SRC: variants seen among roughly 807,000 people sequenced by gnomAD.
SRC encodes proto-oncogene tyrosine-protein kinase Src.
A neutral mutation model predicts 62.9 loss-of-function variants in SRC; 13 were observed. That is an observed-to-expected ratio of 0.21 (90% confidence interval 0.13 to 0.33). SRC has a LOEUF of 0.33. Among genes scored for constraint, SRC ranks in the 10% least tolerant of loss-of-function variants. The pLI, the probability that SRC is intolerant of heterozygous loss-of-function variation, is 1.00. For missense variants in SRC, 457 were observed against 737.3 expected (o/e 0.62, Z 4.40); for synonymous variants, 302 against 317.5 (o/e 0.95, Z 0.52).
At chr20:37,371,702 A>G (rs913269275) in intron 2 of SRC, among the ~76,000 whole-genome samples, 13 of 151,392 alleles carry the variant, frequency 8.6e-5, no homozygotes, top group African/African-American at 3.2e-4. Flanking sequence ...TTTTATTTTT[A>G]TTTATTTACT....
intron 2 of SRC, among the ~76,000 whole-genome samples, chr20:37,373,333 CAT>C (rs768538402): frequency 3.3e-5 from 5 of 150,962 alleles, no homozygotes; most frequent in African/African-American, 7.3e-5. Context: ...CACATACACA[CAT>C]GTACACACAC....
In SRC at chr20:37,402,694, G is replaced by A. The variant is rs2145792; in HGVS notation, c.1271-55G>A. The A allele has an allele frequency of 6.3e-7, 1 of 1,578,382 alleles. No individual in the cohort carries two copies. The highest frequency in any genetic ancestry group is 1.2e-5 in the South Asian group (1 of 85,334). Reference sequence around the variant, plus strand: ...TGTCATTCCTCATGGTGCTTATCTAGCAGAGCGGTCATGACAGGAGGTCAG... The same window carrying A: ...TGTCATTCCTCATGGTGCTTATCTAACAGAGCGGTCATGACAGGAGGTCAG... On this transcript the variant is annotated intron_variant, in intron 12 of 13. Coordinates refer to ENST00000373578, the MANE Select transcript of SRC (RefSeq NM_198291.3). This position sits in a 1 kb window ranked among gnomAD's most constrained non-coding sequence, Gnocchi z 6.2.
At chr20:37,401,573 G>A (rs1318445913) in intron 10 of SRC, 29 bp from the exon 11 acceptor site, 3 of 1,579,746 alleles carry the variant, frequency 1.9e-6, no homozygotes, top group Admixed American at 1.7e-5. Flanking sequence ...GACAGGGCAG[G>A]AGCTGGAGCT....
At chr20:37,345,304 T>G (rs2069701869), upstream of SRC, among the ~76,000 whole-genome samples, 1 of 149,850 alleles carries the variant, frequency 6.7e-6, no homozygotes, top group African/African-American at 2.5e-5. Context: ...AAGAGGGGAG[T>G]CTTTGTGGCC....
At position 37,384,936 on chromosome 20, in the gene SRC, C is replaced by G. The variant is rs1007829526; in HGVS notation, c.250+533C>G. On this transcript the variant is annotated intron_variant, in intron 4 of 13. Coordinates refer to ENST00000373578, the MANE Select transcript of SRC (RefSeq NM_198291.3). The surrounding 1 kb of genome is among the most constrained non-coding windows in gnomAD (Gnocchi z 6.7). ...CCGCGGCGGTGCCCCAGACACTCCACGCAGACTTCACTCCTTCACTCAGAC... is the reference window on the plus strand; with the variant it reads ...CCGCGGCGGTGCCCCAGACACTCCAGGCAGACTTCACTCCTTCACTCAGAC... Among the ~76,000 whole-genome samples the G allele has an allele frequency of 1.3e-5, 2 of 152,182 alleles. No individual in the cohort carries two copies. The highest frequency in any genetic ancestry group is 2.9e-5 in the Non-Finnish European group (2 of 68,012).
chr20:37,401,796 C>A (rs1224653539), intron 11 of SRC, 118 bp downstream of exon 11: 3 of 651,698 alleles, frequency 4.6e-6, no homozygotes, highest in Non-Finnish European at 7.6e-6. Context: ...TGATTGCCTC[C>A]ACACTCACTG....
chr20:37,363,945 C>T (rs1158155403), intron 1 of SRC, among the ~76,000 whole-genome samples: 1 of 152,088 alleles, frequency 6.6e-6, no homozygotes, highest in East Asian at 1.9e-4. Context: ...TCCTTCGGCT[C>T]TCCCATCAGG....
At chr20:37,393,704 G>C in intron 5 of SRC, 191 bp from the exon 6 acceptor site, 2 of 573,480 alleles carry the variant, frequency 3.5e-6, no homozygotes, top group Non-Finnish European at 6.2e-6. Context: ...AAAGGCGTCT[G>C]CGCCAGGGAG....
Position 37,351,009 on chromosome 20 carries a change from C to A in SRC, c.-247+4754C>A, listed in dbSNP as rs907847080. The stretch of plus-strand genomic sequence containing the variant: ...TACGCTGGGAGAAAAATGCAGAGCT[C>A]TTGTCTTCGATCCAGGACTCTCCCC... On this transcript the variant is annotated intron_variant, in intron 1 of 13. Coordinates refer to ENST00000373578, the MANE Select transcript of SRC (RefSeq NM_198291.3). This position sits in a 1 kb window ranked among gnomAD's most constrained non-coding sequence, Gnocchi z 4.4. 5.9e-5 allele frequency among the ~76,000 whole-genome samples: 9 copies of A among 152,178 alleles called. No homozygotes were observed. Among genetic ancestry groups the A allele is most frequent in the African/African-American group, 1.9e-4 (8 of 41,430 alleles).
chr20:37,398,176 G>C lies in SRC; in HGVS notation c.859+322G>C, dbSNP rs890615394. Among the ~76,000 whole-genome samples the C allele has an allele frequency of 1.3e-5, 2 of 152,190 alleles. No homozygotes were observed. Among genetic ancestry groups the C allele is most frequent in the Non-Finnish European group, 2.9e-5 (2 of 68,032 alleles). ...ACTGTGAATGGGGCTGGTGACAGTG[G>C]GACCTATGGGAGACTGTGGAGACCC... is the stretch of plus-strand genomic sequence containing the variant. On this transcript the variant is annotated intron_variant, in intron 9 of 13. Coordinates refer to ENST00000373578, the MANE Select transcript of SRC (RefSeq NM_198291.3). The surrounding 1 kb of genome is among the most constrained non-coding windows in gnomAD (Gnocchi z 5.2).
chr20:37,404,830 T>G lies in SRC; in HGVS notation c.*1451T>G, dbSNP rs1331386616. The stretch of plus-strand genomic sequence containing the variant: ...CTCCCTGGGCCTCAGTGTGCCCATC[T>G]GTAAAGGGGCAGCTGACAGTTTGTG... On this transcript the variant is annotated 3_prime_UTR_variant, in exon 14 of 14. Coordinates refer to ENST00000373578, the MANE Select transcript of SRC (RefSeq NM_198291.3). The G allele has an allele frequency of 4.3e-6, 1 of 233,614 alleles. No individual in the cohort carries two copies. Among genetic ancestry groups the G allele is most frequent in the African/African-American group, 2.2e-5 (1 of 45,356 alleles). 14.5% of individuals were successfully genotyped at this position (233,614 alleles called of 1,614,324 possible). A position where few individuals can be genotyped will look rare whatever the true frequency, so the allele number is the denominator to read the frequency against.
Position 37,384,477 on chromosome 20 carries a change from G to C in SRC, c.250+74G>C. The C allele has an allele frequency of 1.6e-6, 2 of 1,279,844 alleles. No homozygotes were observed. Among genetic ancestry groups the C allele is most frequent in the African/African-American group, 1.6e-5 (1 of 63,372 alleles). The allele number at this position is 1,279,844 out of a possible 1,614,324, so 79.3% of individuals were successfully genotyped here. On this transcript the variant is annotated intron_variant, in intron 4 of 13. Transcript: ENST00000373578. This position sits in a 1 kb window ranked among gnomAD's most constrained non-coding sequence, Gnocchi z 6.7. Reference sequence around the variant, plus strand: ...GGGAGGCGGCGGGGCTGTGTGCCCGGGGTCGCCCCCTCTGCGCAGGCCCTT... The same window carrying C: ...GGGAGGCGGCGGGGCTGTGTGCCCGCGGTCGCCCCCTCTGCGCAGGCCCTT...
intron 5 of SRC, among the ~76,000 whole-genome samples, chr20:37,387,551 C>CG (rs994491936): frequency 1.6e-3 from 24 of 15,054 alleles, no homozygotes; most frequent in South Asian, 8.7e-3. Flanking sequence ...CTGCTCTTGG[C>CG]GGGGGGGTGG....
intron 1 of SRC, among the ~76,000 whole-genome samples, chr20:37,350,914 T>C (rs1269356621): frequency 1.3e-5 from 2 of 152,226 alleles, no homozygotes; most frequent in Admixed American, 1.3e-4. Context: ...TTGTCATTCT[T>C]GATCTATTCT....
At chr20:37,363,041 C>T (rs541164298) in intron 1 of SRC, among the ~76,000 whole-genome samples, 8 of 152,320 alleles carry the variant, frequency 5.3e-5, no homozygotes, top group South Asian at 2.1e-4. Flanking sequence ...CTTCACAAAC[C>T]GCCTAGCCTT....
At chr20:37,364,290 G>A (rs1031053761) in intron 1 of SRC, among the ~76,000 whole-genome samples, 3 of 152,014 alleles carry the variant, frequency 2.0e-5, no homozygotes, top group Non-Finnish European at 4.4e-5. Context: ...AAGCAGCCCC[G>A]CCTCTCTGTG....
intron 1 of SRC, among the ~76,000 whole-genome samples, chr20:37,357,595 C>T (rs997161533): frequency 2.6e-5 from 4 of 152,224 alleles, no homozygotes; most frequent in Admixed American, 2.6e-4. Context: ...CCCCGTGAGA[C>T]AGGTTCTCAC....
chr20:37,377,289 T>G (rs988791137), intron 2 of SRC, among the ~76,000 whole-genome samples: 4 of 152,198 alleles, frequency 2.6e-5, no homozygotes, highest in African/African-American at 9.7e-5. Context: ...TAGGTTTCTA[T>G]CCCCATTTTA....
intron 3 of SRC, among the ~76,000 whole-genome samples, chr20:37,383,476 G>A (rs938430920): frequency 3.9e-5 from 6 of 152,156 alleles, no homozygotes; most frequent in East Asian, 3.9e-4. Context: ...CCCTCCATGT[G>A]CTAGGTGCCC....
Sources: allele counts gnomAD v4.1 joint callset (sites outside exome capture counted in the v4.1 genomes callset), GRCh38; gene constraint gnomAD v4.1.1; non-coding constraint Gnocchi (gnomAD v3.1); transcripts MANE v1.5; gene names NCBI Gene and HGNC (gene_info 2026-07-23, HGNC 2026-07-21).